The following CCNF variants were observed in gnomAD, a reference collection of about 807,000 sequenced individuals.
CCNF encodes cyclin-F.
CCNF carries 30 observed loss-of-function variants against 85.4 expected under a neutral mutation model. That is an observed-to-expected ratio of 0.35 (90% CI 0.26 to 0.48). The LOEUF is 0.48. Ranked by LOEUF, CCNF falls within the 20% of genes least tolerant of loss-of-function variation. The pLI is 0.99. For synonymous variants in CCNF, 439 were observed against 425.1 expected, an observed-to-expected ratio of 1.03 and a Z score of -0.40; for missense variants, 919 against 1,010.4, an observed-to-expected ratio of 0.91 and a Z score of 1.23.
intron 15 of CCNF, 141 bp from the exon 16 acceptor site, chr16:2,455,254 C>G (rs994461457): frequency 2.6e-6 from 3 of 1,134,750 alleles, no homozygotes; most frequent in Non-Finnish European, 3.6e-6. Context: ...CTAGCTTCAC[C>G]GGCATCTTCT....
At chr16:2,433,854 C>T (rs2065274561) in intron 3 of CCNF, among the ~76,000 whole-genome samples, 2 of 152,194 alleles carry the variant, frequency 1.3e-5, no homozygotes, top group South Asian at 2.1e-4. Context: ...GACAGGGATT[C>T]GCTGTGAGCC....
intron 8 of CCNF, among the ~76,000 whole-genome samples, chr16:2,443,051 TATA>T (rs1428423618): frequency 5.0e-5 from 6 of 119,040 alleles, no homozygotes; most frequent in Admixed American, 2.3e-4. Context: ...AATATTATGT[TATA>T]ATATCTATAA....
chr16:2,439,946 A>G, intron 8 of CCNF, 120 bp downstream of exon 8: 1 of 799,816 alleles, frequency 1.3e-6, no homozygotes, highest in Admixed American at 2.0e-5. Flanking sequence ...ATGGGAGGCC[A>G]GGATTGAGGG....
At chr16:2,444,884 A>G (rs1476727152) in intron 9 of CCNF, among the ~76,000 whole-genome samples, 1 of 144,436 alleles carries the variant, frequency 6.9e-6, no homozygotes, top group African/African-American at 2.6e-5. Context: ...TTTAAGCCAC[A>G]GAACACATTG....
intron 9 of CCNF, among the ~76,000 whole-genome samples, chr16:2,444,209 G>T (rs971928116): frequency 6.8e-6 from 1 of 147,692 alleles, no homozygotes; most frequent in Non-Finnish European, 1.5e-5. Flanking sequence ...GTGAGCCACC[G>T]CGCCCAGCCT....
rs1178449850 is a variant in CCNF, at chr16:2,453,470, C to G, written c.1648C>G (p.Pro550Ala). ...AGTGACACAAGACAGCCCCGACCCC[C>G]CGACTTTCCTCAGCACAGGGGAGAT... is the stretch of plus-strand genomic sequence containing the variant. ...LGVTQDSPDP[P>A]TFLSTGEIHA... Residue 550 changes from proline (P) to alanine (A), a missense_variant, in exon 15 of 17, where the codon CCG becomes GCG. Pro to Ala is a conservative substitution (Grantham distance 27). Around this residue, in one of 3 missense-constraint regions of CCNF, gnomAD observed 505 missense variants for 514.8 expected, o/e 0.98. Coordinates refer to ENST00000397066, the MANE Select transcript of CCNF (RefSeq NM_001761.3). This position sits in a 1 kb window ranked among gnomAD's most constrained non-coding sequence, Gnocchi z 5.6. The G allele has an allele frequency of 6.2e-7, 1 of 1,614,106 alleles. No homozygotes were observed. Among genetic ancestry groups the G allele is most frequent in the East Asian group, 2.2e-5 (1 of 44,878 alleles).
At chr16:2,454,538 G>A (rs925173267) in intron 15 of CCNF, among the ~76,000 whole-genome samples, 7 of 152,210 alleles carry the variant, frequency 4.6e-5, no homozygotes, top group Non-Finnish European at 7.3e-5. Flanking sequence ...GGTGACACTG[G>A]GATAGCTCTC....
Position 2,451,585 on chromosome 16 carries a change from TGGG to T in CCNF, c.1488-1622_1488-1620del, listed in dbSNP as rs537137213. 2.2e-3 allele frequency among the ~76,000 whole-genome samples: 340 copies of T among 152,194 alleles called. No individual in the cohort carries two copies. The highest frequency in any genetic ancestry group is 7.5e-3 in the African/African-American group (311 of 41,532). On this transcript the variant is annotated intron_variant, in intron 13 of 16. Transcript: ENST00000397066. The surrounding 1 kb of genome is among the most constrained non-coding windows in gnomAD (Gnocchi z 4.3). ...TGGGCTTTTTTTTCCTTTTTTGAGT[TGGG>T]GGCCCAGGCTGGAGTGCAGTGGCAC...
intron 6 of CCNF, 46 bp from the exon 7 acceptor site, chr16:2,439,307 T>G (rs1596918761): frequency 1.4e-6 from 2 of 1,461,536 alleles, no homozygotes. Context: ...AAAATAAAAA[T>G]GAAAAAGAAT....
At chr16:2,443,109 A>G (rs1029886607) in intron 8 of CCNF, among the ~76,000 whole-genome samples, 1 of 131,390 alleles carries the variant, frequency 7.6e-6, no homozygotes, top group Non-Finnish European at 1.6e-5. Context: ...TTTTATATAT[A>G]ATATATTACA....
rs2141830000 is a variant in CCNF, at chr16:2,453,238, A to C, written c.1516A>C (p.Arg506=). Residue 506 remains arginine (R), a synonymous_variant, in exon 14 of 17, where the codon AGG becomes CGG. Transcript: ENST00000397066. This position sits in a 1 kb window ranked among gnomAD's most constrained non-coding sequence, Gnocchi z 5.6. ...CCATGATGACGCCCCCAAGGACTAC[A>C]GGCAAGTCTCTCTGACCGCCGTGAA... The part of the protein sequence containing the change: ...CFHDDAPKDY[R]QVSLTAVKQR... 1.2e-6 allele frequency: 2 copies of C among 1,613,766 alleles called. No individual in the cohort carries two copies. Among genetic ancestry groups the C allele is most frequent in the South Asian group, 2.2e-5 (2 of 91,066 alleles).
At chr16:2,455,279 T>A (rs1256832926) in intron 15 of CCNF, 116 bp from the exon 16 acceptor site, 1 of 1,311,176 alleles carries the variant, frequency 7.6e-7, no homozygotes, top group East Asian at 2.6e-5. Flanking sequence ...AGCAGAACCT[T>A]TGGGAGCACG....
At chr16:2,449,667 T>C (rs949008896) in intron 12 of CCNF, among the ~76,000 whole-genome samples, 161 bp from the exon 13 acceptor site, 3 of 152,110 alleles carry the variant, frequency 2.0e-5, no homozygotes, top group African/African-American at 7.2e-5. Context: ...TTCAAAACTA[T>C]TTTAAAAGGA....
Position 2,453,763 on chromosome 16 carries a change from G to A in CCNF, c.1715+226G>A, listed in dbSNP as rs547290055. Among the ~76,000 whole-genome samples the A allele has an allele frequency of 6.6e-6, 1 of 152,196 alleles. No homozygotes were observed. The highest frequency in any genetic ancestry group is 2.4e-5 in the African/African-American group (1 of 41,464). The stretch of plus-strand genomic sequence containing the variant: ...CCTTCCTCAGAGGCTATTGCCTCTC[G>A]CTCTGACTGGGCTCCCTGTGGAGGA... On this transcript the variant is annotated intron_variant, in intron 15 of 16. Transcript: ENST00000397066. This position sits in a 1 kb window ranked among gnomAD's most constrained non-coding sequence, Gnocchi z 5.6.
intron 8 of CCNF, among the ~76,000 whole-genome samples, chr16:2,441,169 A>G (rs532661433): frequency 5.3e-5 from 8 of 151,924 alleles, no homozygotes; most frequent in African/African-American, 1.9e-4. Flanking sequence ...AGGAGGAGGA[A>G]GTTGCAGTGA....
chr16:2,429,548 G>T lies in CCNF; in HGVS notation c.16+51G>T, dbSNP rs550970535. On this transcript the variant is annotated intron_variant, in intron 1 of 16. Coordinates refer to ENST00000397066, the MANE Select transcript of CCNF (RefSeq NM_001761.3). Reference sequence around the variant, plus strand: ...TTTCTGCCCCACACCCCTTCTGCCTGCCCTGCGGGGCGGACGGTGGGTCCC... The same window carrying T: ...TTTCTGCCCCACACCCCTTCTGCCTTCCCTGCGGGGCGGACGGTGGGTCCC... 29 of 1,225,746 alleles carry T rather than the reference G, an allele frequency of 2.4e-5. No individual in the cohort carries two copies. In the African/African-American group the frequency reaches 3.6e-4, roughly 15 times the overall value. 75.9% of individuals were successfully genotyped at this position (1,225,746 alleles called of 1,614,324 possible).
At chr16:2,439,162 A>G (rs1596918710) in intron 6 of CCNF, among the ~76,000 whole-genome samples, 191 bp from the exon 7 acceptor site, 1 of 149,276 alleles carries the variant, frequency 6.7e-6, no homozygotes, top group African/African-American at 2.5e-5. Context: ...GCCGGGCATG[A>G]TGGTGGGCTC....
chr16:2,455,249 T>A, intron 15 of CCNF, 146 bp from the exon 16 acceptor site: 1 of 1,114,174 alleles, frequency 9.0e-7, no homozygotes, highest in Non-Finnish European at 1.2e-6. Flanking sequence ...CTGTTCTAGC[T>A]TCACCGGCAT....
Position 2,453,949 on chromosome 16 carries a change from C to T in CCNF, c.1715+412C>T, listed in dbSNP as rs769821601. ...GCACTTCCCTCGCCACCCGTGTGGA[C>T]CTGTTTACCCGCCTCTCCTATCTCA... On this transcript the variant is annotated intron_variant, in intron 15 of 16. Coordinates refer to ENST00000397066, the MANE Select transcript of CCNF (RefSeq NM_001761.3). This position sits in a 1 kb window ranked among gnomAD's most constrained non-coding sequence, Gnocchi z 5.6. Among the ~76,000 whole-genome samples, 1 of 152,198 alleles carries T rather than the reference C, an allele frequency of 6.6e-6. No homozygotes were observed. Among genetic ancestry groups the T allele is most frequent in the Non-Finnish European group, 1.5e-5 (1 of 68,028 alleles).
Sources: allele counts gnomAD v4.1 joint callset (sites outside exome capture counted in the v4.1 genomes callset), GRCh38; gene constraint gnomAD v4.1.1; regional missense constraint gnomAD v4.1.1; non-coding constraint Gnocchi (gnomAD v3.1); transcripts MANE v1.5; gene names NCBI Gene and HGNC (gene_info 2026-07-23, HGNC 2026-07-21).